Variants in CORIN observed in about 807,000 individuals in gnomAD.
CORIN encodes the protein atrial natriuretic peptide-converting enzyme.
CORIN carries 117 observed loss-of-function variants against 125.3 expected under a neutral mutation model. The observed-to-expected ratio is 0.93, with a 90% CI of 0.80 to 1.09. CORIN has a LOEUF of 1.09. Ranked by LOEUF, CORIN falls within the 50% of genes least tolerant of loss-of-function variation. The pLI is 0.00. For synonymous variants in CORIN, 450 were observed against 466.4 expected (o/e 0.96, Z 0.45); for missense variants, 1,253 against 1,306.7 (o/e 0.96, Z 0.63).
intron 5 of CORIN, among the ~76,000 whole-genome samples, chr4:47,743,318 T>C (rs1467829151): frequency 6.6e-6 from 1 of 152,174 alleles, no homozygotes; most frequent in South Asian, 2.1e-4. Context: ...ATCTTTGCAA[T>C]ACATATATCC....
chr4:47,785,699 G>A (rs1730762748), intron 3 of CORIN, among the ~76,000 whole-genome samples: 1 of 151,900 alleles, frequency 6.6e-6, no homozygotes, highest in Non-Finnish European at 1.5e-5. Flanking sequence ...GGATCATGAG[G>A]TTAGGAGTTC....
At chr4:47,617,609 A>G (rs961158494) in intron 19 of CORIN, among the ~76,000 whole-genome samples, 4 of 152,232 alleles carry the variant, frequency 2.6e-5, no homozygotes, top group Admixed American at 2.6e-4. Flanking sequence ...ATGCTGAGAA[A>G]CAGCACCCCA....
intron 10 of CORIN, among the ~76,000 whole-genome samples, chr4:47,669,901 C>A (rs765544676): frequency 6.6e-6 from 1 of 152,150 alleles, no homozygotes; most frequent in Non-Finnish European, 1.5e-5. Context: ...GTGTGTACCA[C>A]CCCTGGATAT....
rs1316458963 is a variant in CORIN, at chr4:47,785,834, C to G, written c.409+891G>C. The stretch of plus-strand genomic sequence containing the variant: ...GGCTGAGGCAGGAGAATCACTTGAA[C>G]CCAGGAGGCAGAGATTGCAGTGAGC... On this transcript the variant is annotated intron_variant, in intron 3 of 21. Coordinates refer to ENST00000273857, the MANE Select transcript of CORIN (RefSeq NM_006587.4). Among the ~76,000 whole-genome samples, 6 of 149,618 alleles carry G rather than the reference C, an allele frequency of 4.0e-5. No homozygotes were observed. In the South Asian group the frequency reaches 1.3e-3, roughly 32 times the overall value.
At chr4:47,680,074 C>T (rs1195626820) in intron 8 of CORIN, 67 bp downstream of exon 8, 1 of 996,538 alleles carries the variant, frequency 1.0e-6, no homozygotes, top group Non-Finnish European at 1.6e-6. Flanking sequence ...CAGTCCTCAA[C>T]CTTGAGTACA....
rs755747242 is a variant in CORIN, at chr4:47,805,135, CAAA to C, written c.208+1765_208+1767del. ...TGGGCAACACAGCGAGACTCCATCT[CAAA>C]AAAAAAAAAAAATAATAATAATAAT... On this transcript the variant is annotated intron_variant, in intron 2 of 21. Coordinates refer to ENST00000273857, the MANE Select transcript of CORIN (RefSeq NM_006587.4). Among the ~76,000 whole-genome samples, 216 of 129,388 alleles carry C rather than the reference CAAA, an allele frequency of 1.7e-3. 1 individual carries two copies. Among genetic ancestry groups the C allele is most frequent in the African/African-American group, 4.0e-3 (137 of 34,176 alleles). The allele number at this position is 129,388 out of a possible 152,430, so 84.9% of individuals were successfully genotyped here. A position where few individuals can be genotyped will look rare whatever the true frequency, so the allele number is the denominator to read the frequency against.
intron 1 of CORIN, among the ~76,000 whole-genome samples, chr4:47,808,055 G>A (rs1731871048): frequency 6.6e-6 from 1 of 152,082 alleles, no homozygotes; most frequent in East Asian, 1.9e-4. Flanking sequence ...ATGCCTGGTG[G>A]GTAGCAGCGT....
intron 5 of CORIN, among the ~76,000 whole-genome samples, chr4:47,711,798 G>T (rs1396643899): frequency 6.6e-6 from 1 of 152,174 alleles, no homozygotes; most frequent in Non-Finnish European, 1.5e-5. Flanking sequence ...CAAGCCCCTG[G>T]TATGAGAGTA....
chr4:47,704,448 T>C (rs570996860), intron 5 of CORIN, among the ~76,000 whole-genome samples: 1 of 152,074 alleles, frequency 6.6e-6, no homozygotes, highest in Non-Finnish European at 1.5e-5. Context: ...GAACAATCTA[T>C]AGCCATCCAA....
intron 5 of CORIN, among the ~76,000 whole-genome samples, chr4:47,720,580 CAT>C (rs1475929247): frequency 6.6e-6 from 1 of 152,164 alleles, no homozygotes; most frequent in Non-Finnish European, 1.5e-5. Context: ...TATATGCAAT[CAT>C]GTGCTATTTT....
intron 5 of CORIN, among the ~76,000 whole-genome samples, chr4:47,694,474 T>TG (rs60459681): frequency 1.1e-4 from 17 of 151,836 alleles, no homozygotes; most frequent in Admixed American, 7.2e-4. Context: ...TGTGTGTGTG[T>TG]TTGTGTATGT....
At chr4:47,599,761 T>C (rs1053150650) in intron 21 of CORIN, among the ~76,000 whole-genome samples, 3 of 152,168 alleles carry the variant, frequency 2.0e-5, no homozygotes, top group Non-Finnish European at 2.9e-5. Context: ...TAGTCCTGTC[T>C]CACACCCTGG....
intron 5 of CORIN, among the ~76,000 whole-genome samples, chr4:47,732,852 C>T (rs151237936): frequency 4.6e-5 from 7 of 152,198 alleles, no homozygotes; most frequent in African/African-American, 1.2e-4. Context: ...TGTGAGCCAC[C>T]GCGCCTGGCC....
chr4:47,753,957 G>C (rs564796820), intron 4 of CORIN, among the ~76,000 whole-genome samples: 80 of 152,268 alleles, frequency 5.3e-4, no homozygotes, highest in African/African-American at 1.8e-3. Flanking sequence ...ATGTTTCTCT[G>C]CCACGGCTCC....
intron 5 of CORIN, among the ~76,000 whole-genome samples, chr4:47,741,185 T>A (rs1033148629): frequency 1.3e-5 from 2 of 151,950 alleles, no homozygotes; most frequent in Non-Finnish European, 1.5e-5. Context: ...TTATATAGCT[T>A]AAAAGGCACA....
chr4:47,759,943 C>T (rs1173333563), intron 4 of CORIN, among the ~76,000 whole-genome samples: 1 of 152,194 alleles, frequency 6.6e-6, no homozygotes, highest in African/African-American at 2.4e-5. Context: ...CAAAGTCATC[C>T]ACGAGTGTTG....
chr4:47,760,790 C>G (rs1489997125), intron 4 of CORIN, among the ~76,000 whole-genome samples: 3 of 152,192 alleles, frequency 2.0e-5, no homozygotes, highest in Non-Finnish European at 2.9e-5. Flanking sequence ...TGAAAATCTG[C>G]TGTTTAGTGT....
At chr4:47,730,514 C>T (rs1019953572) in intron 5 of CORIN, among the ~76,000 whole-genome samples, 3 of 149,328 alleles carry the variant, frequency 2.0e-5, no homozygotes, top group Non-Finnish European at 4.5e-5. Context: ...CCCACTTGGG[C>T]TTCAGGAGCC....
chr4:47,786,126 C>G (rs534788510), intron 3 of CORIN, among the ~76,000 whole-genome samples: 1 of 152,250 alleles, frequency 6.6e-6, no homozygotes, highest in African/African-American at 2.4e-5. Context: ...TGCCACTATA[C>G]TGGGGCAAGC....
Sources: allele counts gnomAD v4.1 joint callset (sites outside exome capture counted in the v4.1 genomes callset), GRCh38; gene constraint gnomAD v4.1.1; transcripts MANE v1.5; gene names NCBI Gene and HGNC (gene_info 2026-07-23, HGNC 2026-07-21).